The following CACNB4 variants were observed in gnomAD, a reference collection of about 807,000 sequenced individuals.
CACNB4 encodes voltage-dependent L-type calcium channel subunit beta-4.
In CACNB4, 32 loss-of-function variants were observed where a neutral mutation model predicts 71.2. The observed-to-expected ratio is 0.45, with a 90% confidence interval of 0.34 to 0.60. The LOEUF (loss-of-function observed/expected upper bound fraction) is 0.60, where lower values mean the gene tolerates loss of function less well. CACNB4 is among the 20% of genes least tolerant of loss of function. CACNB4 has a pLI of 0.01. For missense variants in CACNB4, 464 were observed against 647.9 expected, an observed-to-expected ratio of 0.72 and a Z score of 3.08; for synonymous variants, 231 against 236.9, an observed-to-expected ratio of 0.97 and a Z score of 0.23.
chr2:151,855,986 A>G (rs2099840190), intron 10 of CACNB4, among the ~76,000 whole-genome samples: 1 of 151,772 alleles, frequency 6.6e-6, no homozygotes, highest in Non-Finnish European at 1.5e-5. Flanking sequence ...AGGCATAATT[A>G]GCTTCAGTAT....
intron 2 of CACNB4, among the ~76,000 whole-genome samples, chr2:151,933,717 A>G (rs2099862217): frequency 6.6e-6 from 1 of 152,162 alleles, no homozygotes; most frequent in Admixed American, 6.6e-5. Context: ...TCATTCTTTA[A>G]TCAAGTTGTA....
chr2:151,909,376 C>T (rs1296154058), intron 2 of CACNB4, among the ~76,000 whole-genome samples: 1 of 149,254 alleles, frequency 6.7e-6, no homozygotes, highest in Non-Finnish European at 1.5e-5. Flanking sequence ...GTGGAAGTTG[C>T]AGTGAGCCGA....
chr2:152,003,432 C>T (rs1682538079), intron 2 of CACNB4, among the ~76,000 whole-genome samples: 1 of 150,412 alleles, frequency 6.6e-6, no homozygotes, highest in African/African-American at 2.4e-5. Flanking sequence ...GGCGACAGAC[C>T]AAGATTCCAT....
chr2:151,982,416 G>A (rs951845889), intron 2 of CACNB4, among the ~76,000 whole-genome samples: 34 of 151,958 alleles, frequency 2.2e-4, no homozygotes, highest in African/African-American at 6.5e-4. Flanking sequence ...GGCAGATCAC[G>A]AGGTCAGGAG....
At chr2:151,895,763 T>A (rs2099851902) in intron 2 of CACNB4, among the ~76,000 whole-genome samples, 1 of 151,924 alleles carries the variant, frequency 6.6e-6, no homozygotes, top group Non-Finnish European at 1.5e-5. Flanking sequence ...ATAATCACTA[T>A]CAAAACCAAT....
chr2:152,065,914 G>T (rs963812356), intron 2 of CACNB4, among the ~76,000 whole-genome samples: 2 of 151,984 alleles, frequency 1.3e-5, no homozygotes, highest in African/African-American at 4.8e-5. Flanking sequence ...GCCTAAGGGG[G>T]TATAATATTT....
intron 12 of CACNB4, chr2:151,851,500 G>T (rs2099839072): frequency 6.6e-6 from 1 of 152,198 alleles, no homozygotes; most frequent in African/African-American, 2.4e-5. Context: ...TCTGACCTGG[G>T]TACAAGTCCT....
chr2:152,012,361 TG>T (rs1683104780), intron 2 of CACNB4, among the ~76,000 whole-genome samples: 1 of 152,184 alleles, frequency 6.6e-6, no homozygotes, highest in African/African-American at 2.4e-5. Flanking sequence ...CCCAGCACTT[TG>T]GGAGGCCGAG....
rs79085999 is a variant in CACNB4 at position 151,979,122 on chromosome 2, G to A, written c.148-95752C>T. On this transcript the variant is annotated intron_variant, in intron 2 of 13. Coordinates refer to ENST00000539935, the MANE Select transcript of CACNB4 (RefSeq NM_000726.5). Reference sequence around the variant, plus strand: ...GTCACAAAACACTGCCCAGAAGACCGTCCTCATGAAAATCCTGTAACAAAT... The same window carrying A: ...GTCACAAAACACTGCCCAGAAGACCATCCTCATGAAAATCCTGTAACAAAT... Among the ~76,000 whole-genome samples, 1,419 of 152,056 alleles carry A rather than the reference G, an allele frequency of 9.3e-3. 21 individuals carry two copies. Among genetic ancestry groups the A allele is most frequent in the African/African-American group, 0.032 (1,325 of 41,466 alleles).
chr2:152,085,756 T>C (rs964472298), intron 2 of CACNB4, among the ~76,000 whole-genome samples: 8 of 151,650 alleles, frequency 5.3e-5, no homozygotes, highest in African/African-American at 1.5e-4. Flanking sequence ...CATACGTGTA[T>C]GTTGGACATA....
chr2:151,973,810 A>T lies in CACNB4; in HGVS notation c.148-90440T>A, dbSNP rs2151737608. 4 of 1,536,524 alleles carry T rather than the reference A, an allele frequency of 2.6e-6. No individual in the cohort carries two copies. The East Asian group carries it at 9.7e-5, about 37-fold the overall frequency. On this transcript the variant is annotated intron_variant, in intron 2 of 13. Coordinates refer to ENST00000539935, the MANE Select transcript of CACNB4 (RefSeq NM_000726.5). ...TAAAGAGAAAAGGCCTGTTTGGGAG[A>T]ACTGCGCCTGCCTTATCAATTCCTG...
At chr2:152,033,129 AGGGACTG>A (rs1318545814) in intron 2 of CACNB4, among the ~76,000 whole-genome samples, 1 of 152,232 alleles carries the variant, frequency 6.6e-6, no homozygotes, top group Non-Finnish European at 1.5e-5. Context: ...CAGGTGGGGA[AGGGACTG>A]GCATGCTTGA....
In CACNB4 at chr2:152,018,396, T is replaced by C. The variant is rs578140936; in HGVS notation, c.147+79934A>G. On this transcript the variant is annotated intron_variant, in intron 2 of 13. Transcript: ENST00000539935. ...TCTACACACCTGAAAAAAAGGACTA[T>C]TTCTCATAACGTGGTAAAAATAATA... Among the ~76,000 whole-genome samples, 91 of 152,204 alleles carry C rather than the reference T, an allele frequency of 6.0e-4. 1 individual carries two copies. The South Asian group carries it at 7.1e-3, about 12-fold the overall frequency.
intron 2 of CACNB4, among the ~76,000 whole-genome samples, chr2:152,006,399 T>TTC (rs1171460198): frequency 4.2e-4 from 39 of 93,270 alleles, no homozygotes; most frequent in African/African-American, 1.0e-3. Context: ...TTTCTTTTCT[T>TTC]TCTTTTTTTT....
chr2:152,047,622 G>A lies in CACNB4; in HGVS notation c.147+50708C>T, dbSNP rs574541829. On this transcript the variant is annotated intron_variant, in intron 2 of 13. Coordinates refer to ENST00000539935, the MANE Select transcript of CACNB4 (RefSeq NM_000726.5). Reference sequence around the variant, plus strand: ...AAACCCCTCAGTTGTAGCCAGGCACGGTGGCTCACGCCTGTAATCCCAGCA... The same window carrying A: ...AAACCCCTCAGTTGTAGCCAGGCACAGTGGCTCACGCCTGTAATCCCAGCA... Among the ~76,000 whole-genome samples, 9 of 152,240 alleles carry A rather than the reference G, an allele frequency of 5.9e-5. No homozygotes were observed. The South Asian group carries it at 6.2e-4, about 11-fold the overall frequency.
At chr2:151,977,695 C>T (rs2099874063) in intron 2 of CACNB4, among the ~76,000 whole-genome samples, 1 of 152,186 alleles carries the variant, frequency 6.6e-6, no homozygotes, top group Non-Finnish European at 1.5e-5. Context: ...AAGCAAAAGG[C>T]AATTCTGATT....
intron 2 of CACNB4, among the ~76,000 whole-genome samples, chr2:152,078,449 T>A (rs933012953): frequency 2.0e-5 from 3 of 152,334 alleles, no homozygotes; most frequent in African/African-American, 7.2e-5. Context: ...ATAGTCTGCA[T>A]AACTGGCTCC....
intron 2 of CACNB4, among the ~76,000 whole-genome samples, chr2:151,952,692 G>A (rs1000667557): frequency 4.6e-5 from 7 of 152,176 alleles, no homozygotes; most frequent in African/African-American, 7.2e-5. Context: ...AGGAGCGAAT[G>A]CACCAGAAGG....
Position 152,045,285 on chromosome 2 carries a change from C to A in CACNB4, c.147+53045G>T, listed in dbSNP as rs543580592. On this transcript the variant is annotated intron_variant, in intron 2 of 13. Coordinates refer to ENST00000539935, the MANE Select transcript of CACNB4 (RefSeq NM_000726.5). ...TAGAAACAGTCCAAGTGTCCATCAA[C>A]AGAGGAGTAGCTAAAGACAATGTGG... Among the ~76,000 whole-genome samples the A allele has an allele frequency of 1.1e-4, 16 of 152,232 alleles. No homozygotes were observed. The South Asian group carries it at 3.3e-3, about 32-fold the overall frequency.
Sources: allele counts gnomAD v4.1 joint callset (sites outside exome capture counted in the v4.1 genomes callset), GRCh38; gene constraint gnomAD v4.1.1; transcripts MANE v1.5; gene names NCBI Gene and HGNC (gene_info 2026-07-23, HGNC 2026-07-21).